The following STARD13 variants were observed in gnomAD, a reference collection of about 807,000 sequenced individuals.
STARD13 encodes stAR-related lipid transfer protein 13.
A neutral mutation model predicts 106.4 loss-of-function variants in STARD13; 62 were observed. The observed-to-expected ratio is 0.58, with a 90% CI of 0.48 to 0.72. The LOEUF is 0.72. Ranked by LOEUF, STARD13 falls within the 30% of genes least tolerant of loss-of-function variation. The pLI, the probability that STARD13 is intolerant of heterozygous loss-of-function variation, is 0.00. For synonymous variants in STARD13, 565 were observed against 553.0 expected (o/e 1.02, Z -0.31); for missense variants, 1,387 against 1,424.0 (o/e 0.97, Z 0.42).
the STARD13 span, among the ~76,000 whole-genome samples, chr13:33,600,366 C>T: frequency 3.3e-5 from 5 of 152,006 alleles, no homozygotes; most frequent in Admixed American, 2.6e-4. Context: ...AAATATAGCC[C>T]GTGTAAAATG....
chr13:33,576,872 G>A, the STARD13 span, among the ~76,000 whole-genome samples: 2 of 152,138 alleles, frequency 1.3e-5, no homozygotes, highest in Non-Finnish European at 2.9e-5. Flanking sequence ...TTCCCTGGAA[G>A]TCATTATAAA....
the STARD13 span, among the ~76,000 whole-genome samples, chr13:33,629,257 TGTC>T: frequency 6.6e-6 from 1 of 152,234 alleles, no homozygotes; most frequent in Non-Finnish European, 1.5e-5. Context: ...ACAACAATAA[TGTC>T]AGCTCATTAG....
At position 33,285,477 on chromosome 13, in the gene STARD13, A is replaced by G; in HGVS notation, c.162T>C (p.Ile54=). The G allele has an allele frequency of 1.9e-6, 3 of 1,613,066 alleles. No individual in the cohort carries two copies. Among genetic ancestry groups the G allele is most frequent in the Non-Finnish European group, 2.5e-6 (3 of 1,179,240 alleles). ...CCACTGCCGGCCACTCACCTTGTTG[A>G]ATTTTAGTCACTAGCTGATGGCGTG... ...ILARHQLVTK[I]QQEIEAKEAC... Residue 54 remains isoleucine (I), a synonymous_variant, in exon 1 of 14, where the codon ATT becomes ATC. Transcript: ENST00000336934.
At chr13:33,184,912 T>C (rs1885603773) in intron 1 of STARD13, among the ~76,000 whole-genome samples, 1 of 152,242 alleles carries the variant, frequency 6.6e-6, no homozygotes, top group South Asian at 2.1e-4. Flanking sequence ...TTTCCTCCTA[T>C]GTGTAGTTGG....
chr13:33,519,253 T>A, the STARD13 span, among the ~76,000 whole-genome samples: 2 of 150,438 alleles, frequency 1.3e-5, no homozygotes, highest in African/African-American at 4.9e-5. Context: ...TCTTTCTTTC[T>A]TTCTTTCTTT....
the STARD13 span, among the ~76,000 whole-genome samples, chr13:33,565,839 T>A: frequency 6.7e-6 from 1 of 148,678 alleles, no homozygotes; most frequent in Non-Finnish European, 1.5e-5. Flanking sequence ...TATTCATCCT[T>A]CAAGGTTGAA....
chr13:33,332,357 T>A (rs1316780177), intron 1 of STARD13, among the ~76,000 whole-genome samples: 1 of 152,156 alleles, frequency 6.6e-6, no homozygotes. Flanking sequence ...TCAAATTTCA[T>A]ATGTTGAAGT....
At chr13:33,256,074 G>T (rs1890348785) in intron 1 of STARD13, among the ~76,000 whole-genome samples, 1 of 152,166 alleles carries the variant, frequency 6.6e-6, no homozygotes, top group Admixed American at 6.5e-5. Context: ...AAATACTAAA[G>T]GAGCCAAGTA....
the STARD13 span, among the ~76,000 whole-genome samples, chr13:33,636,406 G>A: frequency 6.6e-6 from 1 of 152,110 alleles, no homozygotes; most frequent in Non-Finnish European, 1.5e-5. Flanking sequence ...TAGGGAACGT[G>A]TAAAATTCAT....
chr13:33,346,440 T>A (rs962353923), downstream of STARD13, among the ~76,000 whole-genome samples: 14 of 152,332 alleles, frequency 9.2e-5, no homozygotes, highest in African/African-American at 3.1e-4. Flanking sequence ...GGCTTTAATA[T>A]GCTTAAATAG....
the STARD13 span, among the ~76,000 whole-genome samples, chr13:33,368,169 A>G: frequency 6.6e-6 from 1 of 151,976 alleles, no homozygotes; most frequent in Non-Finnish European, 1.5e-5. Context: ...TAAAGCCCCC[A>G]CTAACTCTTT....
the STARD13 span, among the ~76,000 whole-genome samples, chr13:33,467,812 T>C: frequency 1.3e-5 from 2 of 152,160 alleles, no homozygotes; most frequent in Non-Finnish European, 2.9e-5. Flanking sequence ...TGATATTATG[T>C]CTCATCCCCA....
chr13:33,437,415 C>A, the STARD13 span, among the ~76,000 whole-genome samples: 36 of 152,278 alleles, frequency 2.4e-4, no homozygotes, highest in African/African-American at 8.4e-4. Context: ...GCCGAATAAA[C>A]CCCTTCCTTC....
At chr13:33,562,526 T>A in the STARD13 span, among the ~76,000 whole-genome samples, 1 of 146,746 alleles carries the variant, frequency 6.8e-6, no homozygotes, top group Non-Finnish European at 1.5e-5. Context: ...ATATATATAT[T>A]TTTAACTGTG....
At chr13:33,190,157 G>C (rs1886136617) in intron 1 of STARD13, among the ~76,000 whole-genome samples, 1 of 152,086 alleles carries the variant, frequency 6.6e-6, no homozygotes, top group Admixed American at 6.6e-5. Flanking sequence ...ATATTTTAAG[G>C]ATAGGCTGGG....
At chr13:33,198,026 C>A (rs972365839) in intron 1 of STARD13, among the ~76,000 whole-genome samples, 2 of 151,170 alleles carry the variant, frequency 1.3e-5, no homozygotes, top group Non-Finnish European at 2.9e-5. Context: ...AAAAATTAGC[C>A]GGGCATGGTG....
At chr13:33,168,103 A>G (rs143573275) in intron 1 of STARD13, among the ~76,000 whole-genome samples, 33 of 152,206 alleles carry the variant, frequency 2.2e-4, no homozygotes, top group African/African-American at 7.5e-4. Context: ...TAGATTGCCT[A>G]TGAAAATGTA....
intron 1 of STARD13, chr13:33,185,935 CTT>C: frequency 3.1e-6 from 5 of 1,614,242 alleles, no homozygotes; most frequent in Non-Finnish European, 4.2e-6. Context: ...CAGACAGTGT[CTT>C]TGCATTCTCT....
the STARD13 span, among the ~76,000 whole-genome samples, chr13:33,600,150 C>T: frequency 6.6e-6 from 1 of 152,134 alleles, no homozygotes; most frequent in African/African-American, 2.4e-5. Context: ...TAATCATACA[C>T]ATCTAGAATG....
Sources: gnomAD v4.1 joint callset for allele counts (sites outside exome capture counted in the v4.1 genomes callset) on GRCh38, gnomAD v4.1.1 for gene constraint, MANE v1.5 for transcripts, NCBI Gene and HGNC (gene_info 2026-07-23, HGNC 2026-07-21) for gene names.